The following RAP1GAP2 variants were observed in gnomAD, a reference collection of about 807,000 sequenced individuals.
The protein encoded by RAP1GAP2 is RAP1 GTPase activating protein 2.
RAP1GAP2 carries 27 observed loss-of-function variants against 95.0 expected under a neutral mutation model. That is an observed-to-expected ratio of 0.28 (90% CI 0.21 to 0.39). The LOEUF is 0.39. Among genes scored for constraint, RAP1GAP2 ranks in the 10% least tolerant of loss-of-function variants. RAP1GAP2 has a pLI of 1.00. For missense variants in RAP1GAP2, 771 were observed against 970.0 expected (o/e 0.79, Z 2.72); for synonymous variants, 373 against 380.9 (o/e 0.98, Z 0.24).
At chr17:2,878,560 C>T (rs571596860) in intron 2 of RAP1GAP2, among the ~76,000 whole-genome samples, 160 of 152,286 alleles carry the variant, frequency 1.1e-3, no homozygotes, top group Middle Eastern at 6.8e-3. Context: ...CCGATCATGG[C>T]TTAGGTGGTC....
chr17:2,839,470 T>A (rs1243353429), intron 2 of RAP1GAP2, among the ~76,000 whole-genome samples: 1 of 152,226 alleles, frequency 6.6e-6, no homozygotes, highest in Non-Finnish European at 1.5e-5. Context: ...ATAATTAACA[T>A]TAATATGGTC....
chr17:2,931,758 C>G (rs1041130944), intron 3 of RAP1GAP2, among the ~76,000 whole-genome samples: 5 of 152,176 alleles, frequency 3.3e-5, no homozygotes, highest in African/African-American at 1.2e-4. Context: ...GCAGATGTCC[C>G]CTCTTCTTGC....
At chr17:2,927,379 T>C (rs938473367) in intron 3 of RAP1GAP2, among the ~76,000 whole-genome samples, 1 of 151,632 alleles carries the variant, frequency 6.6e-6, no homozygotes, top group Non-Finnish European at 1.5e-5. Context: ...GGTCTCGATC[T>C]CCTGACCTCG....
chr17:2,916,283 C>T (rs1278973547), intron 3 of RAP1GAP2, among the ~76,000 whole-genome samples: 1 of 151,874 alleles, frequency 6.6e-6, no homozygotes, highest in Non-Finnish European at 1.5e-5. Context: ...GCCGTCAGTC[C>T]ACCGTTTGGC....
intron 17 of RAP1GAP2, among the ~76,000 whole-genome samples, chr17:3,014,804 G>T (rs1269894785): frequency 6.6e-6 from 1 of 152,146 alleles, no homozygotes. Context: ...TGATCCACGT[G>T]CCTCCACTTC....
Position 2,796,461 on chromosome 17 carries a change from C to A in RAP1GAP2, c.-67C>A. The A allele has an allele frequency of 1.3e-6, 2 of 1,532,718 alleles. No homozygotes were observed. Among genetic ancestry groups the A allele is most frequent in the South Asian group, 2.4e-5 (2 of 83,652 alleles). 94.9% of individuals were successfully genotyped at this position (1,532,718 alleles called of 1,614,324 possible). A position where few individuals can be genotyped will look rare whatever the true frequency, so the allele number is the denominator to read the frequency against. ...GCACTGACCCCGCTGTACCACGGCC[C>A]TCTTGCGGACAGCCCCGGGGACGTC... On this transcript the variant is annotated 5_prime_UTR_variant, in exon 1 of 25. Transcript: ENST00000254695. This position sits in a 1 kb window ranked among gnomAD's most constrained non-coding sequence, Gnocchi z 4.7.
Position 2,797,843 on chromosome 17 carries a change from T to C in RAP1GAP2, c.44+1272T>C. 1 of 949,040 alleles carries C rather than the reference T, an allele frequency of 1.1e-6. No homozygotes were observed. The highest frequency in any genetic ancestry group is 1.3e-6 in the Non-Finnish European group (1 of 796,894). The allele number at this position is 949,040 out of a possible 1,614,324, so 58.8% of individuals were successfully genotyped here. A position where few individuals can be genotyped will look rare whatever the true frequency, so the allele number is the denominator to read the frequency against. On this transcript the variant is annotated intron_variant, in intron 1 of 24. Transcript: ENST00000254695. This position sits in a 1 kb window ranked among gnomAD's most constrained non-coding sequence, Gnocchi z 5.6. ...GGCTTCTGGTTGGGAGGGGTGTGTG[T>C]GTCTTGGCTGTGGGCCTTGCAGGGC...
chr17:2,944,538 C>G (rs918008086), intron 3 of RAP1GAP2, among the ~76,000 whole-genome samples: 1 of 152,134 alleles, frequency 6.6e-6, no homozygotes, highest in Non-Finnish European at 1.5e-5. Flanking sequence ...ATCACTGTAG[C>G]TTTATAGTAA....
chr17:2,820,329 A>G (rs1191750743), intron 2 of RAP1GAP2, among the ~76,000 whole-genome samples: 1 of 152,024 alleles, frequency 6.6e-6, no homozygotes, highest in Non-Finnish European at 1.5e-5. Flanking sequence ...TGCCCTCAAG[A>G]GAGGACTTAG....
At chr17:2,935,243 C>T (rs2043268566) in intron 3 of RAP1GAP2, among the ~76,000 whole-genome samples, 1 of 152,184 alleles carries the variant, frequency 6.6e-6, no homozygotes, top group South Asian at 2.1e-4. Flanking sequence ...CGCAGTGGCT[C>T]ACACCTGTAA....
chr17:2,879,093 G>C (rs1380350080), intron 2 of RAP1GAP2, among the ~76,000 whole-genome samples: 1 of 148,194 alleles, frequency 6.7e-6, no homozygotes, highest in Non-Finnish European at 1.5e-5. Flanking sequence ...CATGCACCTG[G>C]CTTGGCCCCA....
chr17:2,995,657 C>T (rs1348910601), intron 13 of RAP1GAP2, among the ~76,000 whole-genome samples, 191 bp downstream of exon 13: 1 of 152,236 alleles, frequency 6.6e-6, no homozygotes, highest in Non-Finnish European at 1.5e-5. Context: ...GCGGTCCGTT[C>T]TGTTGTGTTT....
intron 2 of RAP1GAP2, among the ~76,000 whole-genome samples, chr17:2,851,326 C>CTGTA (rs1376255450): frequency 6.6e-6 from 1 of 152,122 alleles, no homozygotes; most frequent in Non-Finnish European, 1.5e-5. Context: ...GCTGGACATA[C>CTGTA]TGTACATGTT....
intron 2 of RAP1GAP2, among the ~76,000 whole-genome samples, chr17:2,881,260 CAAA>C (rs144994676): frequency 8.3e-6 from 1 of 120,092 alleles, no homozygotes. Context: ...GACTCTGCCT[CAAA>C]AAAAAAAAAA....
Position 3,036,724 on chromosome 17 carries a change from A to G in RAP1GAP2, c.*3363A>G, listed in dbSNP as rs1054022213. On this transcript the variant is annotated 3_prime_UTR_variant, in exon 25 of 25. Transcript: ENST00000254695. Reference sequence around the variant, plus strand: ...CTTCCCTTTTCCTAAATTAAGAGGAAAAGTGGTCAAAGAAAAACTCTTCAT... The same window carrying G: ...CTTCCCTTTTCCTAAATTAAGAGGAGAAGTGGTCAAAGAAAAACTCTTCAT... 2 of 152,598 alleles carry G rather than the reference A, an allele frequency of 1.3e-5. No individual in the cohort carries two copies. Among genetic ancestry groups the G allele is most frequent in the African/African-American group, 4.8e-5 (2 of 41,448 alleles). 9.5% of individuals were successfully genotyped at this position (152,598 alleles called of 1,614,324 possible).
intron 19 of RAP1GAP2, among the ~76,000 whole-genome samples, chr17:3,023,429 G>T (rs146879898): frequency 5.3e-5 from 8 of 152,256 alleles, no homozygotes; most frequent in African/African-American, 1.9e-4. Flanking sequence ...GGCGGCATTT[G>T]GTTGACTTCC....
chr17:2,860,490 C>T (rs996735255), intron 2 of RAP1GAP2, among the ~76,000 whole-genome samples: 2 of 151,856 alleles, frequency 1.3e-5, no homozygotes, highest in African/African-American at 4.8e-5. Flanking sequence ...TCTCCCTTAT[C>T]CTCTCTCCTT....
chr17:3,020,426 G>C, intron 18 of RAP1GAP2, 51 bp from the exon 19 acceptor site: 2 of 1,439,266 alleles, frequency 1.4e-6, no homozygotes, highest in Non-Finnish European at 1.9e-6. Flanking sequence ...TGAGGGGATA[G>C]GAGATCGGTG....
At chr17:2,800,098 C>T (rs757472767) in intron 1 of RAP1GAP2, 12 of 720,252 alleles carry the variant, frequency 1.7e-5, no homozygotes, top group Non-Finnish European at 2.0e-5. Flanking sequence ...GGATGTCCAC[C>T]TGGCATTCAG....
Sources: gnomAD v4.1 joint callset for allele counts (sites outside exome capture counted in the v4.1 genomes callset) on GRCh38, gnomAD v4.1.1 for gene constraint, Gnocchi (gnomAD v3.1) non-coding constraint, MANE v1.5 for transcripts, NCBI Gene and HGNC (gene_info 2026-07-23, HGNC 2026-07-21) for gene names.